DSE: variants seen among roughly 807,000 people sequenced by gnomAD.
The protein encoded by DSE is dermatan-sulfate epimerase.
DSE carries 36 observed loss-of-function variants against 84.4 expected under a neutral mutation model. The observed-to-expected ratio is 0.43, with a 90% CI of 0.33 to 0.56. DSE has a LOEUF of 0.56. DSE is among the 20% of genes least tolerant of loss of function. The probability of loss-of-function intolerance (pLI) is 0.06; values close to 1 mark genes in which losing one functional copy is unlikely to be tolerated. For missense variants in DSE, 862 were observed against 1,169.6 expected (o/e 0.74, Z 3.84); for synonymous variants, 410 against 430.1 (o/e 0.95, Z 0.58).
rs1343957847 is a variant in DSE at position 116,439,463 on chromosome 6, TATTTCCTTAAAAAGA to T, written c.*2120_*2134del. ...TTTTTCTTCTAATGAACCTGGTATT[TATTTCCTTAAAAAGA>T]AACTTCCTCAGGCAGTGACTTAAGT... On this transcript the variant is annotated 3_prime_UTR_variant, in exon 6 of 6. Coordinates refer to ENST00000644252, the MANE Select transcript of DSE (RefSeq NM_013352.4). 224 of 151,858 alleles carry T rather than the reference TATTTCCTTAAAAAGA, an allele frequency of 1.5e-3. No homozygotes were observed. The highest frequency in any genetic ancestry group is 5.1e-3 in the African/African-American group (210 of 41,480). 9.4% of individuals were successfully genotyped at this position (151,858 alleles called of 1,614,324 possible).
intron 2 of DSE, among the ~76,000 whole-genome samples, chr6:116,273,834 G>GT (rs35845513): frequency 0.43 from 59,142 of 136,662 alleles, 13,659 homozygotes; most frequent in African/African-American, 0.61. Context: ...ATGTTTTTTT[G>GT]TTTTTTTTTT....
At chr6:116,420,834 C>A (rs887258215) in intron 2 of DSE, among the ~76,000 whole-genome samples, 1 of 152,216 alleles carries the variant, frequency 6.6e-6, no homozygotes, top group Non-Finnish European at 1.5e-5. Context: ...AAATAGATAG[C>A]AACATTGTTT....
intron 2 of DSE, among the ~76,000 whole-genome samples, chr6:116,307,145 T>TA (rs1775395980): frequency 6.6e-6 from 1 of 152,184 alleles, no homozygotes; most frequent in Admixed American, 6.5e-5. Flanking sequence ...GGACAGCAGC[T>TA]ATGTGTTTCA....
At chr6:116,373,008 C>T (rs1284692122) in intron 1 of DSE, among the ~76,000 whole-genome samples, 1 of 151,114 alleles carries the variant, frequency 6.6e-6, no homozygotes, top group Non-Finnish European at 1.5e-5. Flanking sequence ...AAAGTACATT[C>T]TGACAGTTTA....
intron 2 of DSE, among the ~76,000 whole-genome samples, chr6:116,308,357 A>G (rs965678317): frequency 5.3e-5 from 8 of 152,214 alleles, no homozygotes; most frequent in African/African-American, 1.7e-4. Flanking sequence ...TCGTAAATGT[A>G]TAAGGTAACA....
In DSE at chr6:116,444,027, T is replaced by A. The variant is rs962207901; in HGVS notation, c.*6682T>A. ...TCTGTTTATTGTCTCCTTGATAATC[T>A]TGATTTCTAAACTCCTTTACTCCTC... On this transcript the variant is annotated 3_prime_UTR_variant, in exon 6 of 6. Transcript: ENST00000644252. 8 of 152,318 alleles carry A rather than the reference T, an allele frequency of 5.3e-5. No homozygotes were observed. The highest frequency in any genetic ancestry group is 1.7e-4 in the African/African-American group (7 of 41,576). The allele number at this position is 152,318 out of a possible 1,614,324, so 9.4% of individuals were successfully genotyped here.
intron 2 of DSE, among the ~76,000 whole-genome samples, chr6:116,314,084 AT>A (rs912438242): frequency 2.7e-5 from 4 of 148,744 alleles, no homozygotes; most frequent in Non-Finnish European, 4.5e-5. Flanking sequence ...CCTTTCCCCC[AT>A]TTTTTTTTCT....
intron 2 of DSE, chr6:116,259,313 T>C: frequency 2.0e-6 from 1 of 496,820 alleles, no homozygotes; most frequent in Non-Finnish European, 3.6e-6. Context: ...TGGTTATACC[T>C]GTAGACTTAC....
chr6:116,410,379 T>C (rs1239994500), intron 2 of DSE, among the ~76,000 whole-genome samples: 1 of 152,120 alleles, frequency 6.6e-6, no homozygotes, highest in Non-Finnish European at 1.5e-5. Flanking sequence ...CATCCAAATG[T>C]GCATCTCTAG....
intron 2 of DSE, among the ~76,000 whole-genome samples, chr6:116,344,643 T>G (rs1200782734): frequency 6.6e-6 from 1 of 152,136 alleles, no homozygotes; most frequent in Non-Finnish European, 1.5e-5. Context: ...GCACTAACCA[T>G]GGAAAGGAAC....
At chr6:116,333,384 G>GT (rs1228038072) in intron 2 of DSE, among the ~76,000 whole-genome samples, 29 of 152,190 alleles carry the variant, frequency 1.9e-4, no homozygotes, top group African/African-American at 6.5e-4. Flanking sequence ...GTGAGAGAGA[G>GT]TGAGAGCATG....
At chr6:116,336,305 A>G (rs939692369) in intron 2 of DSE, among the ~76,000 whole-genome samples, 19 of 152,234 alleles carry the variant, frequency 1.2e-4, no homozygotes, top group African/African-American at 4.6e-4. Flanking sequence ...AGATAATGTG[A>G]TACAGTTAAT....
chr6:116,282,339 T>A (rs1447024536), intron 2 of DSE, among the ~76,000 whole-genome samples: 2 of 152,252 alleles, frequency 1.3e-5, no homozygotes, highest in Admixed American at 6.5e-5. Flanking sequence ...GAAACTTCTA[T>A]TATTCCAATA....
At chr6:116,417,850 C>T (rs776779396) in intron 2 of DSE, among the ~76,000 whole-genome samples, 16 of 152,102 alleles carry the variant, frequency 1.1e-4, no homozygotes, top group Non-Finnish European at 2.4e-4. Context: ...TACTCTAGCC[C>T]TGGCCAGTGT....
intron 1 of DSE, among the ~76,000 whole-genome samples, chr6:116,383,497 TACTC>T (rs1464672452): frequency 6.6e-6 from 1 of 152,190 alleles, no homozygotes; most frequent in Non-Finnish European, 1.5e-5. Context: ...AAGGACAACT[TACTC>T]ACCTAGATAA....
At chr6:116,366,757 T>C (rs1253710314), upstream of DSE, 1 of 152,216 alleles carries the variant, frequency 6.6e-6, no homozygotes, top group East Asian at 1.9e-4. Context: ...GAAAACATAA[T>C]TGTTATGTGG....
rs569281815 is a variant in DSE, at chr6:116,391,760, G to A, written c.-53-7438G>A. On this transcript the variant is annotated intron_variant, in intron 1 of 5. Transcript: ENST00000644252. ...AGCCTGGGCAACAGAGCGAGACTCC[G>A]TCTTAAAAAAAAAAAAAAAAAAAAG... is the stretch of plus-strand genomic sequence containing the variant. 6.8e-5 allele frequency among the ~76,000 whole-genome samples: 9 copies of A among 131,884 alleles called. No individual in the cohort carries two copies. In the South Asian group the frequency reaches 9.8e-4, roughly 14 times the overall value. The allele number at this position is 131,884 out of a possible 152,430, so 86.5% of individuals were successfully genotyped here.
At chr6:116,296,736 T>G (rs924711851) in intron 2 of DSE, among the ~76,000 whole-genome samples, 10 of 152,140 alleles carry the variant, frequency 6.6e-5, no homozygotes, top group African/African-American at 2.4e-4. Flanking sequence ...GTCAGAAAGA[T>G]GAAGATGGTC....
intron 2 of DSE, among the ~76,000 whole-genome samples, chr6:116,260,122 CCTT>C (rs1395328430): frequency 6.6e-6 from 1 of 152,152 alleles, no homozygotes; most frequent in African/African-American, 2.4e-5. Flanking sequence ...TATAAGCATT[CCTT>C]CTTCTCCACA....
Sources: allele counts gnomAD v4.1 joint callset (sites outside exome capture counted in the v4.1 genomes callset), GRCh38; gene constraint gnomAD v4.1.1; transcripts MANE v1.5; gene names NCBI Gene and HGNC (gene_info 2026-07-23, HGNC 2026-07-21).